Variants in NELL2 observed in about 807,000 individuals in gnomAD.
The protein encoded by NELL2 is protein kinase C-binding protein NELL2.
Under a neutral mutation model 109.6 loss-of-function variants are expected in NELL2, and 41 were observed. The observed-to-expected ratio is 0.37, with a 90% CI of 0.29 to 0.49. The LOEUF is 0.49. NELL2 is among the 20% of genes least tolerant of loss of function. NELL2 has a pLI of 0.98. For synonymous variants in NELL2, 355 were observed against 344.7 expected (o/e 1.03, Z -0.33); for missense variants, 900 against 1,008.3 (o/e 0.89, Z 1.45).
At chr12:44,914,241 A>G (rs1419779531), upstream of NELL2, 1 of 152,708 alleles carries the variant, frequency 6.5e-6, no homozygotes, top group East Asian at 1.9e-4. Context: ...TTGCCAAGCC[A>G]TCCATGATCT....
chr12:44,746,999 C>T (rs1940400930), intron 9 of NELL2, among the ~76,000 whole-genome samples: 1 of 152,118 alleles, frequency 6.6e-6, no homozygotes, highest in African/African-American at 2.4e-5. Flanking sequence ...CTCATGCACA[C>T]GTATGTTTAT....
In NELL2 at chr12:44,588,076, G is replaced by A. The variant is rs557281896; in HGVS notation, c.1663+19093C>T. Among the ~76,000 whole-genome samples the A allele has an allele frequency of 8.9e-4, 135 of 151,170 alleles. 1 individual carries two copies. Among genetic ancestry groups the A allele is most frequent in the Admixed American group, 2.0e-3 (30 of 15,240 alleles). On this transcript the variant is annotated intron_variant, in intron 15 of 19. Transcript: ENST00000429094. ...TGAGGCGGGAGAATGGTGTGAACCC[G>A]GGAGGTGGAGGTTGCAGGGAGGCGG...
chr12:44,882,214 TA>T (rs1480170547), intron 1 of NELL2, among the ~76,000 whole-genome samples: 1 of 151,812 alleles, frequency 6.6e-6, no homozygotes, highest in East Asian at 1.9e-4. Flanking sequence ...ATATCTGGGT[TA>T]AAAAATATAC....
chr12:44,777,019 C>T (rs1392161012), intron 7 of NELL2, 23 bp downstream of exon 7: 6 of 1,605,728 alleles, frequency 3.7e-6, no homozygotes, highest in South Asian at 1.1e-5. Flanking sequence ...AGCTTCCACA[C>T]TGTATTCTTG....
At chr12:44,744,304 T>G (rs1336067816) in intron 9 of NELL2, among the ~76,000 whole-genome samples, 1 of 150,902 alleles carries the variant, frequency 6.6e-6, no homozygotes, top group African/African-American at 2.4e-5. Flanking sequence ...CAAAGCAGTG[T>G]GTAGAGGGAA....
chr12:44,604,951 G>A (rs1592193911), intron 15 of NELL2, among the ~76,000 whole-genome samples: 1 of 152,134 alleles, frequency 6.6e-6, no homozygotes, highest in Non-Finnish European at 1.5e-5. Flanking sequence ...GGATGTGAAA[G>A]AGGACAAGAG....
chr12:44,919,336 AAAT>A (rs1347584817), intron 1 of NELL2, among the ~76,000 whole-genome samples: 2 of 151,896 alleles, frequency 1.3e-5, no homozygotes, highest in African/African-American at 4.8e-5. Context: ...TATTAATATA[AAAT>A]AATATTAATA....
At position 44,883,007 on chromosome 12, in the gene NELL2, ATT is replaced by A. The variant is rs60717079; in HGVS notation, c.39-7109_39-7108del. ...AGGCATGTAACAACATGCCCAGACA[ATT>A]TTTTTTTTTTTTTTGGATTTTTAGT... On this transcript the variant is annotated intron_variant, in intron 1 of 20. Transcript: ENST00000333837. 2.1e-3 allele frequency among the ~76,000 whole-genome samples: 282 copies of A among 135,004 alleles called. 4 individuals are homozygous for A. The highest frequency in any genetic ancestry group is 6.3e-3 in the African/African-American group (229 of 36,402). 88.6% of individuals were successfully genotyped at this position (135,004 alleles called of 152,430 possible). A position where few individuals can be genotyped will look rare whatever the true frequency, so the allele number is the denominator to read the frequency against.
chr12:44,624,914 A>T (rs1359784703), intron 13 of NELL2, among the ~76,000 whole-genome samples: 1 of 151,172 alleles, frequency 6.6e-6, no homozygotes, highest in Non-Finnish European at 1.5e-5. Context: ...AGTGAAAAAC[A>T]GAATAATGGA....
intron 2 of NELL2, among the ~76,000 whole-genome samples, chr12:44,870,528 T>A (rs1012000467): frequency 6.6e-6 from 1 of 152,142 alleles, no homozygotes; most frequent in African/African-American, 2.4e-5. Flanking sequence ...AGATCAGAAG[T>A]CCAAAATGAG....
At chr12:44,640,273 C>G (rs1946804325) in intron 13 of NELL2, among the ~76,000 whole-genome samples, 1 of 152,144 alleles carries the variant, frequency 6.6e-6, no homozygotes, top group African/African-American at 2.4e-5. Flanking sequence ...CACTGAGTCT[C>G]TTAGTCTTCA....
intron 15 of NELL2, among the ~76,000 whole-genome samples, chr12:44,535,950 A>C (rs182726394): frequency 6.6e-6 from 1 of 152,086 alleles, no homozygotes; most frequent in African/African-American, 2.4e-5. Context: ...GTCACAGATC[A>C]AGATTATATA....
chr12:44,733,723 A>C (rs1193417355), intron 9 of NELL2, among the ~76,000 whole-genome samples: 1 of 151,990 alleles, frequency 6.6e-6, no homozygotes, highest in Non-Finnish European at 1.5e-5. Flanking sequence ...TTATCCAAAA[A>C]TAAAAAAGAA....
intron 2 of NELL2, among the ~76,000 whole-genome samples, chr12:44,851,437 C>G (rs1468152707): frequency 6.6e-6 from 1 of 152,084 alleles, no homozygotes; most frequent in Non-Finnish European, 1.5e-5. Flanking sequence ...AATTTGGACT[C>G]TTTGTTTATG....
intron 9 of NELL2, among the ~76,000 whole-genome samples, chr12:44,756,328 T>C (rs546369139): frequency 2.2e-4 from 33 of 152,122 alleles, no homozygotes; most frequent in African/African-American, 7.5e-4. Context: ...ATTTTCTCTC[T>C]CTTTTTCTCT....
intron 13 of NELL2, among the ~76,000 whole-genome samples, chr12:44,612,085 G>C (rs1945642713): frequency 6.6e-6 from 1 of 151,774 alleles, no homozygotes; most frequent in Non-Finnish European, 1.5e-5. Flanking sequence ...TTTAACTTTA[G>C]AACTCTGTAT....
At chr12:44,562,560 GA>G (rs1163519445) in intron 15 of NELL2, among the ~76,000 whole-genome samples, 3 of 151,984 alleles carry the variant, frequency 2.0e-5, no homozygotes, top group Non-Finnish European at 4.4e-5. Flanking sequence ...ACAAACATAC[GA>G]AAAAAAGCTC....
At chr12:44,656,890 T>A in intron 13 of NELL2, among the ~76,000 whole-genome samples, 1 of 152,222 alleles carries the variant, frequency 6.6e-6, no homozygotes, top group East Asian at 1.9e-4. Context: ...TACAATAAAT[T>A]TTTGCTGCAA....
At chr12:44,863,707 A>G (rs1944907825) in intron 2 of NELL2, among the ~76,000 whole-genome samples, 1 of 152,214 alleles carries the variant, frequency 6.6e-6, no homozygotes, top group South Asian at 2.1e-4. Flanking sequence ...TAACATGAAA[A>G]CATCTGAAAT....
Sources: gnomAD v4.1 joint callset for allele counts (sites outside exome capture counted in the v4.1 genomes callset) on GRCh38, gnomAD v4.1.1 for gene constraint, MANE v1.5 for transcripts, NCBI Gene and HGNC (gene_info 2026-07-23, HGNC 2026-07-21) for gene names.